The following DERL2 variants were observed in gnomAD, a reference collection of about 807,000 sequenced individuals.
The protein encoded by DERL2 is derlin-2.
In DERL2, 13 loss-of-function variants were observed where a neutral mutation model predicts 32.0. The ratio of observed to expected loss-of-function variants is 0.41; its 90% CI spans 0.26 to 0.65. DERL2 has a LOEUF of 0.65. Among genes scored for constraint, DERL2 ranks in the 30% least tolerant of loss-of-function variants. DERL2 has a pLI of 0.35. For synonymous variants in DERL2, 111 were observed against 104.7 expected (o/e 1.06, Z -0.37); for missense variants, 208 against 296.3 (o/e 0.70, Z 2.19).
chr17:5,475,551 AC>A (rs921447951), intron 6 of DERL2, among the ~76,000 whole-genome samples: 2 of 152,100 alleles, frequency 1.3e-5, no homozygotes, highest in African/African-American at 4.8e-5. Context: ...GAGCCACTGC[AC>A]CTAGTCAACA....
rs570724223 is a variant in DERL2 at position 5,481,031 on chromosome 17, A to C, written c.327+265T>G. The C allele has an allele frequency of 1.8e-6, 1 of 559,444 alleles. No homozygotes were observed. Among genetic ancestry groups the C allele is most frequent in the African/African-American group, 1.9e-5 (1 of 51,958 alleles). The allele number at this position is 559,444 out of a possible 1,614,324, so 34.7% of individuals were successfully genotyped here. A position where few individuals can be genotyped will look rare whatever the true frequency, so the allele number is the denominator to read the frequency against. On this transcript the variant is annotated intron_variant, in intron 4 of 6. Coordinates refer to ENST00000158771, the MANE Select transcript of DERL2 (RefSeq NM_016041.5). The surrounding 1 kb of genome is among the most constrained non-coding windows in gnomAD (Gnocchi z 4.4). ...TTGGTAGCCACCAAGTAAATGTCTT[A>C]CCAACTTAGTTTAAAAGTGAAGTAC... is the stretch of plus-strand genomic sequence containing the variant.
rs1267292505 is a variant in DERL2, at chr17:5,481,219, G to A, written c.327+77C>T. ...CCCTGAAGCTAAGATCTAGAGAACTGTGGGAGACAGATGACAAGCTTTAGG... is the reference window on the plus strand; with the variant it reads ...CCCTGAAGCTAAGATCTAGAGAACTATGGGAGACAGATGACAAGCTTTAGG... On this transcript the variant is annotated intron_variant, in intron 4 of 6. Transcript: ENST00000158771. This position sits in a 1 kb window ranked among gnomAD's most constrained non-coding sequence, Gnocchi z 4.4. 2 of 1,049,636 alleles carry A rather than the reference G, an allele frequency of 1.9e-6. No homozygotes were observed. Among genetic ancestry groups the A allele is most frequent in the African/African-American group, 3.1e-5 (2 of 63,692 alleles). 65.0% of individuals were successfully genotyped at this position (1,049,636 alleles called of 1,614,324 possible).
chr17:5,474,568 G>T lies in DERL2; in HGVS notation c.*116C>A. ...TGTACCATTTCATAAAGTGCTTCTGGAGTTAAAATCTGCCAAGCTGTCAAA... is the reference window on the plus strand; with the variant it reads ...TGTACCATTTCATAAAGTGCTTCTGTAGTTAAAATCTGCCAAGCTGTCAAA... On this transcript the variant is annotated 3_prime_UTR_variant, in exon 7 of 7. Transcript: ENST00000158771. This position sits in a 1 kb window ranked among gnomAD's most constrained non-coding sequence, Gnocchi z 4.3. 2 of 722,152 alleles carry T rather than the reference G, an allele frequency of 2.8e-6. No individual in the cohort carries two copies. Among genetic ancestry groups the T allele is most frequent in the Non-Finnish European group, 2.3e-6 (1 of 431,730 alleles). The allele number at this position is 722,152 out of a possible 1,614,324, so 44.7% of individuals were successfully genotyped here. A position where few individuals can be genotyped will look rare whatever the true frequency, so the allele number is the denominator to read the frequency against.
intron 2 of DERL2, among the ~76,000 whole-genome samples, chr17:5,483,098 T>G (rs915746566): frequency 6.6e-6 from 1 of 152,190 alleles, no homozygotes; most frequent in Non-Finnish European, 1.5e-5. Context: ...TCATTGGGAC[T>G]GTGACATTTA....
rs531737503 is a variant in DERL2, at chr17:5,482,887, TA to T, written c.160-6del. The T allele has an allele frequency of 5.4e-4, 763 of 1,413,932 alleles. No homozygotes were observed. Among genetic ancestry groups the T allele is most frequent in the South Asian group, 6.3e-4 (50 of 79,334 alleles). 87.6% of individuals were successfully genotyped at this position (1,413,932 alleles called of 1,614,324 possible). A position where few individuals can be genotyped will look rare whatever the true frequency, so the allele number is the denominator to read the frequency against. On this transcript the variant is annotated splice_region_variant and splice_polypyrimidine_tract_variant and intron_variant, in intron 2 of 6. Coordinates refer to ENST00000158771, the MANE Select transcript of DERL2 (RefSeq NM_016041.5). The stretch of plus-strand genomic sequence containing the variant: ...GTTGGTGATTAATCTCCATATCTGT[TA>T]AAAAAAAATCAAGAGAAAGATGTAT...
At chr17:5,476,632 T>C (rs1279162983) in intron 6 of DERL2, among the ~76,000 whole-genome samples, 1 of 151,956 alleles carries the variant, frequency 6.6e-6, no homozygotes, top group Non-Finnish European at 1.5e-5. Flanking sequence ...AAATACAAAA[T>C]TAGCCGGGTG....
chr17:5,486,363 C>G (rs565466833), upstream of DERL2: 251 of 506,906 alleles, frequency 5.0e-4, no homozygotes, highest in Non-Finnish European at 7.5e-4. Flanking sequence ...ACCGCCCCCC[C>G]CCAGCGCCCC....
Position 5,471,917 on chromosome 17 carries a change from C to T in DERL2, c.*2767G>A, listed in dbSNP as rs972037849. The T allele has an allele frequency of 2.0e-5, 3 of 152,134 alleles. No individual in the cohort carries two copies. Among genetic ancestry groups the T allele is most frequent in the Admixed American group, 2.0e-4 (3 of 15,278 alleles). The allele number at this position is 152,134 out of a possible 1,614,324, so 9.4% of individuals were successfully genotyped here. On this transcript the variant is annotated 3_prime_UTR_variant, in exon 7 of 7. Coordinates refer to ENST00000158771, the MANE Select transcript of DERL2 (RefSeq NM_016041.5). ...TCCAATGCTTCCTTATTTTCAGAGG[C>T]CCCAGAGACTGAGGGTTTCATTATC...
rs185728381 is a variant in DERL2 at position 5,472,193 on chromosome 17, G to T, written c.*2491C>A. On this transcript the variant is annotated 3_prime_UTR_variant, in exon 7 of 7. Coordinates refer to ENST00000158771, the MANE Select transcript of DERL2 (RefSeq NM_016041.5). Reference sequence around the variant, plus strand: ...ACAAAAAACACTATGCTTTAGTCAAGTGTGCTTTTCAGTATCACTAGAAGA... The same window carrying T: ...ACAAAAAACACTATGCTTTAGTCAATTGTGCTTTTCAGTATCACTAGAAGA... 6.6e-6 allele frequency: 1 copy of T among 152,320 alleles called. No individual in the cohort carries two copies. The highest frequency in any genetic ancestry group is 1.5e-5 in the Non-Finnish European group (1 of 68,042). The allele number at this position is 152,320 out of a possible 1,614,324, so 9.4% of individuals were successfully genotyped here.
At chr17:5,486,508 A>C, upstream of DERL2, 2 of 187,806 alleles carry the variant, frequency 1.1e-5, no homozygotes, top group East Asian at 1.4e-4. Flanking sequence ...GGTGTCCACA[A>C]CCAGCCAATC....
At chr17:5,485,251 A>ACCAC in intron 1 of DERL2, 35 bp from the exon 2 acceptor site, 1 of 1,484,720 alleles carries the variant, frequency 6.7e-7, no homozygotes, top group Non-Finnish European at 9.2e-7. Context: ...AAGCAAATCA[A>ACCAC]GAAACAAAAT....
rs752097702 is a variant in DERL2, at chr17:5,480,600, G to A, written c.328-18C>T. On this transcript the variant is annotated intron_variant, in intron 4 of 6. Coordinates refer to ENST00000158771, the MANE Select transcript of DERL2 (RefSeq NM_016041.5). ...CCAAAAAGCTAGCAGATGGCATTAA[G>A]GAAAATATCAACATTAAAAGTTTAA... is the stretch of plus-strand genomic sequence containing the variant. The A allele has an allele frequency of 3.4e-6, 5 of 1,466,804 alleles. No individual in the cohort carries two copies. The highest frequency in any genetic ancestry group is 4.5e-6 in the Non-Finnish European group (5 of 1,111,658). 90.9% of individuals were successfully genotyped at this position (1,466,804 alleles called of 1,614,324 possible). A position where few individuals can be genotyped will look rare whatever the true frequency, so the allele number is the denominator to read the frequency against.
chr17:5,485,874 T>A (rs1380357694), intron 1 of DERL2, 195 bp downstream of exon 1: 3 of 458,250 alleles, frequency 6.5e-6, no homozygotes, highest in Admixed American at 3.9e-5. Flanking sequence ...TGACCCCCCA[T>A]GAAGCAGCAC....
rs1179500200 is a variant in DERL2 at position 5,473,669 on chromosome 17, T to C, written c.*1015A>G. ...ACAAAAAAGGCAAAAAAAAAAAAAA[T>C]GGCTGGGCATGGTGGCTCATGCCTG... On this transcript the variant is annotated 3_prime_UTR_variant, in exon 7 of 7. Coordinates refer to ENST00000158771, the MANE Select transcript of DERL2 (RefSeq NM_016041.5). 1 of 86,394 alleles carries C rather than the reference T, an allele frequency of 1.2e-5. No individual in the cohort carries two copies. Among genetic ancestry groups the C allele is most frequent in the Non-Finnish European group, 2.2e-5 (1 of 45,660 alleles). 5.4% of individuals were successfully genotyped at this position (86,394 alleles called of 1,614,324 possible).
intron 2 of DERL2, among the ~76,000 whole-genome samples, chr17:5,483,832 C>A (rs923678486): frequency 1.3e-5 from 2 of 152,208 alleles, no homozygotes; most frequent in African/African-American, 4.8e-5. Context: ...GCAAGACTTA[C>A]TTGGATGGAA....
upstream of DERL2, chr17:5,486,244 A>C: frequency 1.8e-6 from 2 of 1,129,846 alleles, no homozygotes; most frequent in East Asian, 3.2e-5. Context: ...GCGGGCCCAA[A>C]GGCCCCCCGC....
At chr17:5,480,246 T>C in intron 5 of DERL2, 102 bp from the exon 6 acceptor site, 1 of 1,229,492 alleles carries the variant, frequency 8.1e-7, no homozygotes, top group South Asian at 1.4e-5. Context: ...AATGTCAACA[T>C]AATTATTAAA....
At position 5,478,333 on chromosome 17, in the gene DERL2, C is replaced by T. The variant is rs1905524759; in HGVS notation, c.614+1721G>A. On this transcript the variant is annotated intron_variant, in intron 6 of 6. Transcript: ENST00000158771. ...GAGTTAACAGTGTGCTATGATCATA[C>T]CACTGCACTCCAGCCTGGGCAATGG... 3.3e-5 allele frequency among the ~76,000 whole-genome samples: 5 copies of T among 152,314 alleles called. No homozygotes were observed. The South Asian group carries it at 1.0e-3, about 32-fold the overall frequency.
Position 5,474,533 on chromosome 17 carries a change from G to A in DERL2, c.*151C>T. 1.7e-6 allele frequency: 1 copy of A among 586,888 alleles called. No individual in the cohort carries two copies. Among genetic ancestry groups the A allele is most frequent in the Non-Finnish European group, 3.0e-6 (1 of 334,340 alleles). The allele number at this position is 586,888 out of a possible 1,614,324, so 36.4% of individuals were successfully genotyped here. A position where few individuals can be genotyped will look rare whatever the true frequency, so the allele number is the denominator to read the frequency against. ...GGCAAACTGTTGGAAATGTCTTCTG[G>A]ATTAGTCAGTGTACCATTTCATAAA... On this transcript the variant is annotated 3_prime_UTR_variant, in exon 7 of 7. Transcript: ENST00000158771. The surrounding 1 kb of genome is among the most constrained non-coding windows in gnomAD (Gnocchi z 4.3).
Sources: allele counts gnomAD v4.1 joint callset (sites outside exome capture counted in the v4.1 genomes callset), GRCh38; gene constraint gnomAD v4.1.1; non-coding constraint Gnocchi (gnomAD v3.1); transcripts MANE v1.5; gene names NCBI Gene and HGNC (gene_info 2026-07-23, HGNC 2026-07-21).